The following PUM1 variants were observed in gnomAD, a reference collection of about 807,000 sequenced individuals.
PUM1 encodes pumilio RNA binding family member 1, also known as pumilio homolog 1.
A neutral mutation model predicts 131.8 loss-of-function variants in PUM1; 13 were observed. That is an observed-to-expected ratio of 0.10 (90% CI 0.06 to 0.16). PUM1 has a LOEUF of 0.16. PUM1 is among the 10% of genes least tolerant of loss of function. The pLI is 1.00. For missense variants in PUM1, 961 were observed against 1,512.4 expected, an observed-to-expected ratio of 0.64 and a Z score of 6.05; for synonymous variants, 509 against 556.5, an observed-to-expected ratio of 0.91 and a Z score of 1.20.
chr1:30,974,010 T>C (rs770471217), intron 10 of PUM1, among the ~76,000 whole-genome samples: 9 of 151,146 alleles, frequency 6.0e-5, no homozygotes, highest in African/African-American at 1.7e-4. Flanking sequence ...ACTGCTTGAA[T>C]CCGGGATGCG....
chr1:31,013,206 A>C lies in PUM1; in HGVS notation c.433-6104T>G, dbSNP rs189479932. ...ACCCCAACAAAACAACACTACAAGA[A>C]CCATGATTACGGCTTTTCAGGAACT... On this transcript the variant is annotated intron_variant, in intron 3 of 21. Transcript: ENST00000426105. Among the ~76,000 whole-genome samples, 14 of 152,294 alleles carry C rather than the reference A, an allele frequency of 9.2e-5. No homozygotes were observed. In the South Asian group the frequency reaches 2.5e-3, roughly 27 times the overall value.
At chr1:30,960,994 G>A (rs770454303) in intron 14 of PUM1, among the ~76,000 whole-genome samples, 2 of 151,112 alleles carry the variant, frequency 1.3e-5, no homozygotes, top group Non-Finnish European at 3.0e-5. Context: ...AAAAAAAAAG[G>A]GACCAGCCTG....
intron 9 of PUM1, among the ~76,000 whole-genome samples, chr1:30,976,062 T>C (rs1250830433): frequency 7.1e-6 from 1 of 141,526 alleles, no homozygotes; most frequent in East Asian, 2.1e-4. Flanking sequence ...CACTCCAGCC[T>C]GGGCAACAGA....
intron 14 of PUM1, 147 bp downstream of exon 14, chr1:30,964,527 T>C (rs190580880): frequency 1.2e-5 from 9 of 738,172 alleles, no homozygotes; most frequent in Admixed American, 2.3e-5. Flanking sequence ...ACAGCCTGAA[T>C]AACATGAGGT....
At chr1:31,048,131 C>G (rs1192891312) in intron 2 of PUM1, among the ~76,000 whole-genome samples, 10 of 142,978 alleles carry the variant, frequency 7.0e-5, no homozygotes, top group Non-Finnish European at 1.4e-4. Flanking sequence ...CCCAGCTACT[C>G]GGGAGGCTGA....
At chr1:31,006,965 T>A (rs768391165) in intron 4 of PUM1, 29 bp downstream of exon 4, 1 of 1,550,510 alleles carries the variant, frequency 6.4e-7, no homozygotes, top group Admixed American at 1.7e-5. Flanking sequence ...CAGGCATAAA[T>A]CACAGTACAG....
chr1:31,057,110 T>C (rs879232943), intron 2 of PUM1, among the ~76,000 whole-genome samples: 9 of 152,228 alleles, frequency 5.9e-5, no homozygotes, highest in Non-Finnish European at 1.2e-4. Context: ...GTTTCGACTA[T>C]AGTAAAGAAC....
chr1:30,993,355 A>C (rs1054133729), intron 6 of PUM1, among the ~76,000 whole-genome samples: 1 of 151,826 alleles, frequency 6.6e-6, no homozygotes, highest in Non-Finnish European at 1.5e-5. Context: ...AAAAAAAAAA[A>C]AAAAACAGGG....
intron 3 of PUM1, among the ~76,000 whole-genome samples, chr1:31,023,984 A>G (rs1162568749): frequency 6.6e-6 from 1 of 151,304 alleles, no homozygotes; most frequent in Non-Finnish European, 1.5e-5. Flanking sequence ...CACAGGGGGG[A>G]AAGTCAATCT....
chr1:31,030,584 G>A (rs1342941440), intron 2 of PUM1, among the ~76,000 whole-genome samples: 1 of 151,942 alleles, frequency 6.6e-6, no homozygotes, highest in Non-Finnish European at 1.5e-5. Flanking sequence ...GGTGATGCAC[G>A]CCTATGGTCC....
At position 30,995,214 on chromosome 1, in the gene PUM1, T is replaced by C. The variant is rs929446206; in HGVS notation, c.727A>G (p.Arg243Gly). ...SCLRKGGFGP[R>G]DADSDENDKG... ...TCGTTTTCATCACTGTCTGCATCCC[T>C]TGGGCCCTGTTTAAAAAATAGCTTC... Residue 243 changes from arginine (R) to glycine (G), a missense_variant, in exon 6 of 22, where the codon AGG becomes GGG. This residue lies in a region of PUM1 where 654 missense variants were observed against 923.9 expected (regional missense o/e 0.71). Coordinates refer to ENST00000426105, the MANE Select transcript of PUM1 (RefSeq NM_001020658.2). The C allele has an allele frequency of 1.2e-6, 2 of 1,613,476 alleles. No individual in the cohort carries two copies. The highest frequency in any genetic ancestry group is 1.7e-6 in the Non-Finnish European group (2 of 1,179,822).
At chr1:30,938,952 C>T (rs200996512) in intron 20 of PUM1, among the ~76,000 whole-genome samples, 2,093 of 149,842 alleles carry the variant, frequency 0.014, 27 homozygotes, top group Non-Finnish European at 0.02. Flanking sequence ...GACAGATAGA[C>T]AGATAGACAG....
At chr1:31,007,777 T>A (rs1642444952) in intron 3 of PUM1, among the ~76,000 whole-genome samples, 1 of 152,252 alleles carries the variant, frequency 6.6e-6, no homozygotes, top group Non-Finnish European at 1.5e-5. Flanking sequence ...ACTCCATGCT[T>A]CAGAGAAACA....
intron 15 of PUM1, 122 bp from the exon 16 acceptor site, chr1:30,952,485 C>A: frequency 6.9e-7 from 1 of 1,445,846 alleles, no homozygotes; most frequent in Non-Finnish European, 9.4e-7. Flanking sequence ...TGTGCACACA[C>A]ATGCACACAA....
rs150344374 is a variant in PUM1, at chr1:31,047,798, T to C, written c.363+11406A>G. Among the ~76,000 whole-genome samples the C allele has an allele frequency of 8.4e-3, 1,280 of 152,282 alleles. 7 individuals carry two copies. The highest frequency in any genetic ancestry group is 0.031 in the Middle Eastern group (9 of 294). ...CTCTACTAAAAGTACAAAAATTAGC[T>C]GGGCATGTTGGCACATGCCTGTAAT... On this transcript the variant is annotated intron_variant, in intron 2 of 21. Coordinates refer to ENST00000426105, the MANE Select transcript of PUM1 (RefSeq NM_001020658.2).
chr1:30,993,123 A>G (rs1228157936), intron 6 of PUM1, among the ~76,000 whole-genome samples: 1 of 152,210 alleles, frequency 6.6e-6, no homozygotes, highest in Non-Finnish European at 1.5e-5. Flanking sequence ...ATTTGTGAGG[A>G]AAGAAACAGA....
intron 6 of PUM1, among the ~76,000 whole-genome samples, 193 bp from the exon 7 acceptor site, chr1:30,992,853 A>C (rs1641842408): frequency 6.6e-6 from 1 of 152,204 alleles, no homozygotes; most frequent in Non-Finnish European, 1.5e-5. Context: ...TATTGCCGGC[A>C]ATTCCATATA....
At chr1:31,047,801 G>C (rs1490812649) in intron 2 of PUM1, among the ~76,000 whole-genome samples, 4 of 152,198 alleles carry the variant, frequency 2.6e-5, no homozygotes, top group Non-Finnish European at 5.9e-5. Context: ...AATTAGCTGG[G>C]CATGTTGGCA....
intron 2 of PUM1, among the ~76,000 whole-genome samples, chr1:31,030,709 G>GA (rs11307831): frequency 3.4e-4 from 50 of 146,408 alleles, no homozygotes; most frequent in Admixed American, 5.5e-4. Context: ...ACAGTGTCCG[G>GA]AAAAAAAAAA....
Sources: allele counts gnomAD v4.1 joint callset (sites outside exome capture counted in the v4.1 genomes callset), GRCh38; gene constraint gnomAD v4.1.1; regional missense constraint gnomAD v4.1.1; transcripts MANE v1.5; gene names NCBI Gene and HGNC (gene_info 2026-07-23, HGNC 2026-07-21).